Variants in GTF2H2 observed in about 807,000 individuals in gnomAD.
GTF2H2 encodes the protein general transcription factor IIH subunit 2.
A neutral mutation model predicts 16.5 loss-of-function variants in GTF2H2; 2 were observed. That is an observed-to-expected ratio of 0.12 (90% confidence interval 0.05 to 0.38). The LOEUF (loss-of-function observed/expected upper bound fraction) is 0.38. Among genes scored for constraint, GTF2H2 ranks in the 10% least tolerant of loss-of-function variants. The pLI is 0.99. For synonymous variants in GTF2H2, 8 were observed against 44.1 expected, an observed-to-expected ratio of 0.18 and a Z score of 3.24; for missense variants, 20 against 137.0, an observed-to-expected ratio of 0.15 and a Z score of 4.26.
At chr5:71,044,192 A>T (rs1406703070) in intron 12 of GTF2H2, among the ~76,000 whole-genome samples, 2 of 68,320 alleles carry the variant, frequency 2.9e-5, no homozygotes, top group East Asian at 1.1e-3. Flanking sequence ...TTCCATACAG[A>T]CTGGTGAGAA....
chr5:71,052,234 C>T (rs1194756952), intron 8 of GTF2H2, among the ~76,000 whole-genome samples: 1 of 138,248 alleles, frequency 7.2e-6, no homozygotes, highest in African/African-American at 2.9e-5. Context: ...ATGGCGCGAT[C>T]TCGGCTCACT....
chr5:71,054,258 G>A (rs563882985), intron 8 of GTF2H2, among the ~76,000 whole-genome samples: 1 of 145,952 alleles, frequency 6.9e-6, no homozygotes, highest in Non-Finnish European at 1.5e-5. Flanking sequence ...AATTTTATCA[G>A]TTAGTTATAG....
rs1186039780 is a variant in GTF2H2 at position 71,036,051 on chromosome 5, A to G, written c.1069-255T>C. 8.1e-5 allele frequency among the ~76,000 whole-genome samples: 5 copies of G among 61,460 alleles called. 2 individuals are homozygous for G. The highest frequency in any genetic ancestry group is 1.9e-4 in the Admixed American group (1 of 5,136). 40.3% of individuals were successfully genotyped at this position (61,460 alleles called of 152,430 possible). On this transcript the variant is annotated intron_variant, in intron 15 of 15. Transcript: ENST00000274400. ...TCTATTCTATTACAGTTCGCTCTCA[A>G]TCATTTCATTCTTAGGTTTAGGAAA...
intron 12 of GTF2H2, among the ~76,000 whole-genome samples, chr5:71,044,178 G>T (rs1217820961): frequency 2.1e-5 from 2 of 93,364 alleles, no homozygotes; most frequent in Non-Finnish European, 4.2e-5. Context: ...ATGTTAAGAG[G>T]TATTTCCATA....
Position 71,048,862 on chromosome 5 carries a change from CA to C in GTF2H2, c.562-14del. On this transcript the variant is annotated splice_polypyrimidine_tract_variant and intron_variant, in intron 9 of 15. Coordinates refer to ENST00000274400, the Ensembl canonical transcript of GTF2H2. ...CTGCCTTTAGGGTCTTCATAAAATCCAAGTAGATAGATAGTTTTAGGAAAGA... is the reference window on the plus strand; with the variant it reads ...CTGCCTTTAGGGTCTTCATAAAATCCAGTAGATAGATAGTTTTAGGAAAGA... 1.8e-6 allele frequency: 1 copy of C among 556,996 alleles called. No homozygotes were observed. 34.5% of individuals were successfully genotyped at this position (556,996 alleles called of 1,614,324 possible).
At chr5:71,047,496 TCG>T (rs1280175746) in intron 11 of GTF2H2, 3 of 6,558 alleles carry the variant, frequency 4.6e-4, no homozygotes, top group African/African-American at 1.9e-3. Flanking sequence ...TCTCGCTCTG[TCG>T]CCCAGGCTAG....
At chr5:71,046,530 T>C (rs966046206) in intron 11 of GTF2H2, among the ~76,000 whole-genome samples, 1 of 84,862 alleles carries the variant, frequency 1.2e-5, no homozygotes, top group African/African-American at 5.5e-5. Flanking sequence ...AAAAGCATTT[T>C]ATTTCATTAA....
At chr5:71,040,582 T>TA (rs1260519034) in intron 14 of GTF2H2, among the ~76,000 whole-genome samples, 1 of 11,224 alleles carries the variant, frequency 8.9e-5, no homozygotes, top group African/African-American at 2.5e-4. Context: ...AACTATTCTC[T>TA]AAAGGATTGA....
chr5:71,055,193 T>C, intron 8 of GTF2H2, 159 bp downstream of exon 8: 1 of 633,306 alleles, frequency 1.6e-6, no homozygotes, highest in Non-Finnish European at 2.4e-6. Context: ...TAAAGATTAC[T>C]AACCAACACC....
rs1753162981 is a variant in GTF2H2, at chr5:71,055,550, A to G, written c.365-93T>C. On this transcript the variant is annotated intron_variant, in intron 7 of 15. Transcript: ENST00000274400. ...TTACATATCTATGATGTTAAAGAAC[A>G]GAATCCTTTCAATGTATATTTCTGT... 9.8e-6 allele frequency: 10 copies of G among 1,021,172 alleles called. No individual in the cohort carries two copies. The South Asian group carries it at 1.5e-4, about 15-fold the overall frequency. 63.3% of individuals were successfully genotyped at this position (1,021,172 alleles called of 1,614,324 possible). A position where few individuals can be genotyped will look rare whatever the true frequency, so the allele number is the denominator to read the frequency against.
intron 7 of GTF2H2, among the ~76,000 whole-genome samples, chr5:71,056,017 A>ACAC (rs1188601511): frequency 3.1e-5 from 2 of 65,458 alleles, no homozygotes; most frequent in Non-Finnish European, 5.8e-5. Flanking sequence ...AGTTTAAGAC[A>ACAC]CACCTGGTCA....
intron 8 of GTF2H2, among the ~76,000 whole-genome samples, chr5:71,052,278 C>T (rs1437413300): frequency 7.6e-6 from 1 of 131,328 alleles, no homozygotes; most frequent in African/African-American, 3.1e-5. Context: ...TGCGATTCTC[C>T]TGCCTCAGCC....
intron 11 of GTF2H2, among the ~76,000 whole-genome samples, chr5:71,046,628 G>T (rs1162665154): frequency 7.3e-6 from 1 of 137,744 alleles, no homozygotes; most frequent in Non-Finnish European, 1.6e-5. Flanking sequence ...AATTTTCATT[G>T]TAACATTTTT....
chr5:71,063,928 C>A (rs1319942549), intron 1 of GTF2H2, among the ~76,000 whole-genome samples: 3 of 111,544 alleles, frequency 2.7e-5, no homozygotes, highest in Non-Finnish European at 3.8e-5. Flanking sequence ...CATGGTGAAA[C>A]CCTGTCTCTA....
chr5:71,054,490 T>G (rs1753024242), intron 8 of GTF2H2, among the ~76,000 whole-genome samples: 1 of 142,632 alleles, frequency 7.0e-6, no homozygotes, highest in African/African-American at 2.7e-5. Context: ...AGGCCAGGAG[T>G]TCAAGACCAG....
rs1176958428 is a variant in GTF2H2 at position 71,054,331 on chromosome 5, C to A, written c.470+1021G>T. On this transcript the variant is annotated intron_variant, in intron 8 of 15. Transcript: ENST00000274400. ...CTCACTGGTAGACCCTGCTACTGTACTTACCTCTATTACATGTGTTGCCTC... is the reference window on the plus strand; with the variant it reads ...CTCACTGGTAGACCCTGCTACTGTAATTACCTCTATTACATGTGTTGCCTC... Among the ~76,000 whole-genome samples the A allele has an allele frequency of 6.2e-5, 9 of 146,006 alleles. 2 individuals are homozygous for A. The highest frequency in any genetic ancestry group is 2.4e-4 in the African/African-American group (9 of 38,104).
chr5:71,047,270 CCATG>C (rs1194939518), intron 11 of GTF2H2, among the ~76,000 whole-genome samples: 1 of 125,260 alleles, frequency 8.0e-6, no homozygotes, highest in Non-Finnish European at 1.7e-5. Context: ...ATGTCTGCCA[CCATG>C]CCCAGCCATT....
At chr5:71,055,238 T>A (rs1018362463) in intron 8 of GTF2H2, 114 bp downstream of exon 8, 2 of 1,063,678 alleles carry the variant, frequency 1.9e-6, no homozygotes, top group Non-Finnish European at 2.6e-6. Context: ...ACATAATTCT[T>A]GTACTTAACA....
chr5:71,050,530 A>G (rs1254393290), intron 8 of GTF2H2, among the ~76,000 whole-genome samples: 10 of 36,898 alleles, frequency 2.7e-4, no homozygotes, highest in African/African-American at 1.7e-3. Context: ...TAAAAAAAAA[A>G]GTACACACCT....
Sources: gnomAD v4.1 joint callset for allele counts (sites outside exome capture counted in the v4.1 genomes callset) on GRCh38, gnomAD v4.1.1 for gene constraint, MANE v1.5 for transcripts, NCBI Gene and HGNC (gene_info 2026-07-23, HGNC 2026-07-21) for gene names.